TCEA3: variants seen among roughly 807,000 people sequenced by gnomAD.
TCEA3 encodes transcription elongation factor A protein 3.
TCEA3 carries 36 observed loss-of-function variants against 44.0 expected under a neutral mutation model. The ratio of observed to expected loss-of-function variants is 0.82; its 90% CI spans 0.63 to 1.08. The LOEUF is 1.08. Among genes scored for constraint, TCEA3 ranks in the 50% least tolerant of loss-of-function variants. The pLI is 0.00. For missense variants in TCEA3, 392 were observed against 441.2 expected, an observed-to-expected ratio of 0.89 and a Z score of 1.00; for synonymous variants, 162 against 159.7, an observed-to-expected ratio of 1.01 and a Z score of -0.11.
chr1:23,417,133 A>G, intron 4 of TCEA3, 116 bp downstream of exon 4: 1 of 1,321,890 alleles, frequency 7.6e-7, no homozygotes, highest in Non-Finnish European at 1.0e-6. Context: ...TGCAGGAGAT[A>G]ATACCAATAT....
intron 5 of TCEA3, 98 bp downstream of exon 5, chr1:23,408,566 C>T (rs1454057943): frequency 6.4e-6 from 8 of 1,240,564 alleles, no homozygotes; most frequent in Non-Finnish European, 9.0e-6. Flanking sequence ...TTTCTTCCTT[C>T]CCTCCTTTCC....
Position 23,387,283 on chromosome 1 carries a change from G to A in TCEA3, c.956C>T (p.Thr319Ile), listed in dbSNP as rs1326801867. Residue 319 changes from threonine (T) to isoleucine (I), a missense_variant, in exon 9 of 11, where the codon ACC (threonine) becomes ATC (isoleucine). Thr to Ile is a moderately conservative substitution (Grantham distance 89, BLOSUM62 -1). Transcript: ENST00000450454. ...QCSKCKKKNC[T>I]YNQVQTRSAD... ...CCTCACTGTCCTTACCTGGTTATAG[G>A]TGCAGTTCTTCTTCTTGCATTTGCT... 1 of 1,613,878 alleles carries A rather than the reference G, an allele frequency of 6.2e-7. No homozygotes were observed. The highest frequency in any genetic ancestry group is 8.5e-7 in the Non-Finnish European group (1 of 1,179,870).
intron 1 of TCEA3, 146 bp from the exon 2 acceptor site, chr1:23,419,285 G>A (rs1216030981): frequency 1.2e-5 from 7 of 560,554 alleles, no homozygotes; most frequent in East Asian, 6.1e-5. Context: ...GGAGAGAGAC[G>A]AGAAACAATC....
chr1:23,388,469 T>G (rs1638921773), intron 8 of TCEA3, among the ~76,000 whole-genome samples: 1 of 152,186 alleles, frequency 6.6e-6, no homozygotes, highest in Admixed American at 6.5e-5. Flanking sequence ...GTGCTGGGAT[T>G]ACAGGTATGA....
intron 4 of TCEA3, among the ~76,000 whole-genome samples, chr1:23,413,065 G>C (rs1639780928): frequency 6.6e-6 from 1 of 152,168 alleles, no homozygotes; most frequent in Non-Finnish European, 1.5e-5. Flanking sequence ...TAACAATTTA[G>C]TGTCCCAGGA....
At chr1:23,410,078 T>G (rs1423687945) in intron 4 of TCEA3, among the ~76,000 whole-genome samples, 2 of 151,970 alleles carry the variant, frequency 1.3e-5, no homozygotes, top group African/African-American at 2.4e-5. Context: ...TGGCTGGAAG[T>G]GCTGGTCACT....
chr1:23,398,945 T>C (rs897788786), intron 5 of TCEA3, among the ~76,000 whole-genome samples: 1 of 151,084 alleles, frequency 6.6e-6, no homozygotes, highest in African/African-American at 2.4e-5. Context: ...TTTTACCTTT[T>C]TTTGCAGAGA....
chr1:23,411,725 C>G (rs1639711722), intron 4 of TCEA3, among the ~76,000 whole-genome samples: 2 of 152,188 alleles, frequency 1.3e-5, no homozygotes, highest in African/African-American at 4.8e-5. Flanking sequence ...CCAGACACCC[C>G]TCCCCTCCAG....
At chr1:23,414,976 T>C (rs1639843592) in intron 4 of TCEA3, among the ~76,000 whole-genome samples, 1 of 151,536 alleles carries the variant, frequency 6.6e-6, no homozygotes, top group Non-Finnish European at 1.5e-5. Flanking sequence ...ACACCTGTTG[T>C]TCTCATACAG....
intron 5 of TCEA3, 136 bp downstream of exon 5, chr1:23,408,528 G>A: frequency 1.2e-6 from 1 of 863,910 alleles, no homozygotes; most frequent in Non-Finnish European, 1.8e-6. Context: ...GTGGGTCTTA[G>A]AATACGGGGG....
At chr1:23,402,214 C>T (rs909415193) in intron 5 of TCEA3, among the ~76,000 whole-genome samples, 1 of 152,126 alleles carries the variant, frequency 6.6e-6, no homozygotes, top group South Asian at 2.1e-4. Flanking sequence ...GTGGCGCATG[C>T]CTGTAATCCC....
chr1:23,405,264 G>A (rs1639509381), intron 5 of TCEA3, among the ~76,000 whole-genome samples: 1 of 152,094 alleles, frequency 6.6e-6, no homozygotes, highest in South Asian at 2.1e-4. Context: ...AAATAGAGAA[G>A]TAAATCATGC....
At chr1:23,392,409 CATGCACAAT>C (rs1639066354) in intron 8 of TCEA3, among the ~76,000 whole-genome samples, 1 of 2,956 alleles carries the variant, frequency 3.4e-4, no homozygotes, top group Non-Finnish European at 5.8e-4. Flanking sequence ...CACACATCAT[CATGCACAAT>C]ACACACACAC....
intron 5 of TCEA3, among the ~76,000 whole-genome samples, chr1:23,398,727 T>C (rs910341948): frequency 6.6e-6 from 1 of 152,168 alleles, no homozygotes; most frequent in Non-Finnish European, 1.5e-5. Context: ...TGAATCCACA[T>C]CTGTCTAATT....
At position 23,397,893 on chromosome 1, in the gene TCEA3, G is replaced by C. The variant is rs749269236; in HGVS notation, c.506C>G (p.Thr169Arg). ...CAGGAGACACATGGAAGAGGCAAAC[G>C]TGGGGGTCAAGGGGCTGCTAGGTGT... is the stretch of plus-strand genomic sequence containing the variant. ...PKTPSSPLTP[T>R]FASSMCLLAP... Residue 169 changes from threonine to arginine, a missense_variant, in exon 6 of 11, where the codon ACG becomes AGG. Transcript: ENST00000450454. 6.2e-7 allele frequency: 1 copy of C among 1,613,774 alleles called. No homozygotes were observed. Among genetic ancestry groups the C allele is most frequent in the Non-Finnish European group, 8.5e-7 (1 of 1,179,840 alleles).
intron 7 of TCEA3, 139 bp downstream of exon 7, chr1:23,397,406 G>T: frequency 1.4e-6 from 1 of 708,022 alleles, no homozygotes; most frequent in South Asian, 1.9e-5. Context: ...ATAGAATTAA[G>T]AACTCTGGTT....
chr1:23,402,977 C>A (rs536527772), intron 5 of TCEA3, among the ~76,000 whole-genome samples: 2 of 152,226 alleles, frequency 1.3e-5, no homozygotes, highest in Non-Finnish European at 2.9e-5. Flanking sequence ...AGTGGCCCCA[C>A]TCTCTGGGCC....
At chr1:23,400,217 T>C (rs1035342467) in intron 5 of TCEA3, among the ~76,000 whole-genome samples, 2 of 152,132 alleles carry the variant, frequency 1.3e-5, no homozygotes, top group African/African-American at 4.8e-5. Context: ...CACAAATTAC[T>C]GGGCCCATTT....
At chr1:23,392,868 G>T (rs949875565) in intron 8 of TCEA3, among the ~76,000 whole-genome samples, 1 of 152,300 alleles carries the variant, frequency 6.6e-6, no homozygotes, top group East Asian at 1.9e-4. Flanking sequence ...CTGGAAGACA[G>T]TTTTTCCATG....
Sources: gnomAD v4.1 joint callset for allele counts (sites outside exome capture counted in the v4.1 genomes callset) on GRCh38, gnomAD v4.1.1 for gene constraint, MANE v1.5 for transcripts, NCBI Gene and HGNC (gene_info 2026-07-23, HGNC 2026-07-21) for gene names.